The following DNER variants were observed in gnomAD, a reference collection of about 807,000 sequenced individuals.
The protein encoded by DNER is delta and Notch-like epidermal growth factor-related receptor.
Under a neutral mutation model 78.2 loss-of-function variants are expected in DNER, and 33 were observed. The ratio of observed to expected loss-of-function variants is 0.42; its 90% confidence interval spans 0.32 to 0.56. The LOEUF is 0.56. Ranked by LOEUF, DNER falls within the 20% of genes least tolerant of loss-of-function variation. DNER has a pLI of 0.11. For synonymous variants in DNER, 417 were observed against 384.8 expected, an observed-to-expected ratio of 1.08 and a Z score of -0.98; for missense variants, 918 against 975.3, an observed-to-expected ratio of 0.94 and a Z score of 0.78.
intron 10 of DNER, among the ~76,000 whole-genome samples, chr2:229,390,279 G>A (rs1283544902): frequency 6.6e-6 from 1 of 152,200 alleles, no homozygotes; most frequent in Admixed American, 6.5e-5. Flanking sequence ...CTACTGCTAT[G>A]GTCTGGCAAA....
At chr2:229,395,673 C>T (rs995526143) in intron 10 of DNER, among the ~76,000 whole-genome samples, 3 of 152,000 alleles carry the variant, frequency 2.0e-5, no homozygotes, top group East Asian at 1.9e-4. Context: ...CTGAGGAGGG[C>T]GGATCACCTG....
At chr2:229,666,550 CT>C (rs1306565460) in intron 1 of DNER, among the ~76,000 whole-genome samples, 2 of 152,166 alleles carry the variant, frequency 1.3e-5, no homozygotes, top group African/African-American at 4.8e-5. Flanking sequence ...TAGTTTTTAT[CT>C]GACTTTTATC....
At chr2:229,585,017 T>G (rs1353772581) in intron 4 of DNER, among the ~76,000 whole-genome samples, 2 of 151,878 alleles carry the variant, frequency 1.3e-5, no homozygotes, top group Non-Finnish European at 2.9e-5. Context: ...AAGTGACTGA[T>G]GCAGGAGGGG....
chr2:229,694,837 A>G (rs888028519), intron 1 of DNER, among the ~76,000 whole-genome samples: 4 of 152,158 alleles, frequency 2.6e-5, no homozygotes, highest in African/African-American at 9.6e-5. Flanking sequence ...AGCTGGAATT[A>G]GTTAAGATTT....
At chr2:229,540,072 G>C (rs1028506351) in intron 5 of DNER, among the ~76,000 whole-genome samples, 1 of 152,188 alleles carries the variant, frequency 6.6e-6, no homozygotes, top group African/African-American at 2.4e-5. Context: ...TAAATCAAAA[G>C]TCATGTGTTC....
At chr2:229,572,922 T>C (rs1176624137) in intron 4 of DNER, among the ~76,000 whole-genome samples, 3 of 152,238 alleles carry the variant, frequency 2.0e-5, no homozygotes, top group African/African-American at 7.2e-5. Flanking sequence ...CTTGTTTGTT[T>C]GGAGGCTAAA....
intron 8 of DNER, among the ~76,000 whole-genome samples, chr2:229,428,401 G>A (rs544764806): frequency 6.6e-6 from 1 of 152,196 alleles, no homozygotes; most frequent in South Asian, 2.1e-4. Flanking sequence ...GGGTGAGAAG[G>A]AAGGAGAGGT....
intron 1 of DNER, among the ~76,000 whole-genome samples, chr2:229,669,538 AC>A (rs1699172121): frequency 1.3e-5 from 2 of 152,102 alleles, no homozygotes; most frequent in Admixed American, 1.3e-4. Context: ...ATTCTTCCTA[AC>A]CATGAGCATG....
At chr2:229,698,294 C>T (rs1699690605) in intron 1 of DNER, among the ~76,000 whole-genome samples, 2 of 152,170 alleles carry the variant, frequency 1.3e-5, no homozygotes, top group South Asian at 4.2e-4. Flanking sequence ...TGTCAACAGC[C>T]TTGTACCCTG....
intron 6 of DNER, among the ~76,000 whole-genome samples, chr2:229,486,143 T>C (rs1186084720): frequency 6.6e-6 from 1 of 152,096 alleles, no homozygotes; most frequent in Non-Finnish European, 1.5e-5. Flanking sequence ...GGGGAATAAA[T>C]AGTGCACCAT....
chr2:229,580,370 G>A (rs1299706425), intron 4 of DNER: 1 of 152,180 alleles, frequency 6.6e-6, no homozygotes, highest in South Asian at 2.1e-4. Flanking sequence ...AAGCATTTTA[G>A]GAGGTCATAC....
At chr2:229,564,773 AT>A (rs1697070051) in intron 4 of DNER, among the ~76,000 whole-genome samples, 1 of 152,142 alleles carries the variant, frequency 6.6e-6, no homozygotes, top group South Asian at 2.1e-4. Context: ...ACCAACATGT[AT>A]TTAAAATGGA....
At chr2:229,378,781 G>A (rs1692666989) in intron 11 of DNER, among the ~76,000 whole-genome samples, 1 of 152,166 alleles carries the variant, frequency 6.6e-6, no homozygotes, top group South Asian at 2.1e-4. Flanking sequence ...CGCAGGACTA[G>A]AGGCCTCTTA....
At chr2:229,648,053 C>T (rs1049612065) in intron 1 of DNER, among the ~76,000 whole-genome samples, 1 of 152,094 alleles carries the variant, frequency 6.6e-6, no homozygotes, top group Non-Finnish European at 1.5e-5. Context: ...CTATCATTAG[C>T]CTTTTTATAC....
At chr2:229,547,981 T>C (rs918778092) in intron 4 of DNER, among the ~76,000 whole-genome samples, 2 of 152,236 alleles carry the variant, frequency 1.3e-5, no homozygotes, top group Non-Finnish European at 1.5e-5. Flanking sequence ...TTCATTTGTA[T>C]CTAATTTTTA....
chr2:229,500,853 C>T (rs1247336878), intron 6 of DNER, among the ~76,000 whole-genome samples: 11 of 152,098 alleles, frequency 7.2e-5, no homozygotes, highest in Non-Finnish European at 1.2e-4. Context: ...ACCCCCCTCC[C>T]GCCCTTTCCA....
intron 1 of DNER, among the ~76,000 whole-genome samples, chr2:229,597,000 CAT>C (rs1412979335): frequency 6.6e-6 from 1 of 150,784 alleles, no homozygotes; most frequent in East Asian, 2.0e-4. Flanking sequence ...CACACGCACA[CAT>C]ATACATGCAC....
chr2:229,476,697 G>A (rs536245995), intron 7 of DNER, among the ~76,000 whole-genome samples: 1 of 152,182 alleles, frequency 6.6e-6, no homozygotes, highest in East Asian at 1.9e-4. Flanking sequence ...CAGTAAAACT[G>A]CTTTTTAAAA....
chr2:229,493,747 T>A (rs1695450433), intron 6 of DNER, among the ~76,000 whole-genome samples: 1 of 152,226 alleles, frequency 6.6e-6, no homozygotes, highest in Admixed American at 6.5e-5. Flanking sequence ...GATTGACAAC[T>A]GATCAGGTAC....
Sources: gnomAD v4.1 joint callset for allele counts (sites outside exome capture counted in the v4.1 genomes callset) on GRCh38, gnomAD v4.1.1 for gene constraint, MANE v1.5 for transcripts, NCBI Gene and HGNC (gene_info 2026-07-23, HGNC 2026-07-21) for gene names.